Variants in ANKFN1 observed in about 807,000 individuals in gnomAD.
ANKFN1 encodes the protein ankyrin repeat and fibronectin type-III domain-containing protein 1.
A neutral mutation model predicts 108.7 loss-of-function variants in ANKFN1; 74 were observed. The observed-to-expected ratio is 0.68, with a 90% CI of 0.56 to 0.83. The LOEUF is 0.83. ANKFN1 is among the 40% of genes least tolerant of loss of function. The probability of loss-of-function intolerance (pLI) is 0.00; values close to 1 mark genes in which losing one functional copy is unlikely to be tolerated. For synonymous variants in ANKFN1, 547 were observed against 516.2 expected (o/e 1.06, Z -0.81); for missense variants, 1,505 against 1,382.3 (o/e 1.09, Z -1.41).
intron 15 of ANKFN1, chr17:56,473,444 C>A (rs1324353074): frequency 6.6e-6 from 1 of 152,022 alleles, no homozygotes; most frequent in Non-Finnish European, 1.5e-5. Context: ...AGGTAGATCA[C>A]CTGAGCTCAG....
intron 3 of ANKFN1, among the ~76,000 whole-genome samples, chr17:56,294,721 C>A (rs947700844): frequency 6.6e-6 from 1 of 152,218 alleles, no homozygotes; most frequent in Non-Finnish European, 1.5e-5. Flanking sequence ...GCAGAAATAG[C>A]AGAAACTTTC....
rs538687422 is a variant in ANKFN1 at position 56,223,038 on chromosome 17, T to G, written c.13-4879T>G. Among the ~76,000 whole-genome samples the G allele has an allele frequency of 2.0e-5, 3 of 152,262 alleles. No homozygotes were observed. The East Asian group carries it at 5.8e-4, about 29-fold the overall frequency. Reference sequence around the variant, plus strand: ...TTAGCCACTAACAAGAATAAGGAGATCTCTATATACTGACTTGGAATCTGT... The same window carrying G: ...TTAGCCACTAACAAGAATAAGGAGAGCTCTATATACTGACTTGGAATCTGT... On this transcript the variant is annotated intron_variant, in intron 2 of 20. Coordinates refer to ENST00000682825, the MANE Select transcript of ANKFN1 (RefSeq NM_001370326.1).
At chr17:56,301,595 G>C (rs186577052) in intron 3 of ANKFN1, among the ~76,000 whole-genome samples, 2 of 152,164 alleles carry the variant, frequency 1.3e-5, no homozygotes, top group Admixed American at 6.5e-5. Flanking sequence ...ATCAAAGAAC[G>C]TCCTGGTGGC....
chr17:56,501,321 G>T (rs1258564051), intron 20 of ANKFN1, among the ~76,000 whole-genome samples: 2 of 152,172 alleles, frequency 1.3e-5, no homozygotes, highest in African/African-American at 4.8e-5. Flanking sequence ...TTTAAGCAAG[G>T]ATTGATATAA....
chr17:56,446,676 G>A (rs1048248192), intron 10 of ANKFN1, among the ~76,000 whole-genome samples: 6 of 151,790 alleles, frequency 4.0e-5, no homozygotes, highest in Non-Finnish European at 8.8e-5. Flanking sequence ...AGGCCAAGGC[G>A]GGTGGATCAC....
At chr17:56,172,789 T>C (rs1037988237) in intron 1 of ANKFN1, among the ~76,000 whole-genome samples, 2 of 152,146 alleles carry the variant, frequency 1.3e-5, no homozygotes, top group African/African-American at 4.8e-5. Flanking sequence ...CCACGCTGTC[T>C]TAAAGGCACT....
At chr17:56,400,887 C>T (rs1394273263) in intron 8 of ANKFN1, among the ~76,000 whole-genome samples, 1 of 152,026 alleles carries the variant, frequency 6.6e-6, no homozygotes, top group Non-Finnish European at 1.5e-5. Flanking sequence ...TGTCAAAAAT[C>T]GGTTGGCTGT....
intron 1 of ANKFN1, among the ~76,000 whole-genome samples, chr17:56,192,136 A>C (rs539835363): frequency 4.3e-4 from 65 of 151,898 alleles, no homozygotes; most frequent in African/African-American, 1.4e-3. Context: ...ACCTGAGAAA[A>C]ACAAGCAATG....
chr17:56,077,945 G>A (rs1905200211), intron 4 of ANKFN1, among the ~76,000 whole-genome samples: 1 of 152,084 alleles, frequency 6.6e-6, no homozygotes, highest in Non-Finnish European at 1.5e-5. Flanking sequence ...AGAAGTTTTT[G>A]TTATCTCTAT....
At chr17:56,463,001 G>A (rs1486149235) in intron 14 of ANKFN1, among the ~76,000 whole-genome samples, 5 of 152,068 alleles carry the variant, frequency 3.3e-5, no homozygotes, top group Admixed American at 6.6e-5. Context: ...CCAAGTCAGG[G>A]GACCTACCTT....
chr17:56,411,306 A>C (rs993646332), intron 8 of ANKFN1, among the ~76,000 whole-genome samples: 7 of 152,158 alleles, frequency 4.6e-5, no homozygotes, highest in Non-Finnish European at 8.8e-5. Flanking sequence ...TTTTTAGTGT[A>C]TGGAAAAATA....
At chr17:56,346,164 GT>G (rs2046093912) in intron 4 of ANKFN1, among the ~76,000 whole-genome samples, 1 of 152,070 alleles carries the variant, frequency 6.6e-6, no homozygotes. Flanking sequence ...CACATTGCTT[GT>G]TTTTGTCAGG....
intron 4 of ANKFN1, among the ~76,000 whole-genome samples, chr17:56,125,996 C>T (rs1038892630): frequency 1.3e-5 from 2 of 152,120 alleles, no homozygotes; most frequent in African/African-American, 4.8e-5. Context: ...GTCAAATTTG[C>T]ACGGGGAAGC....
intron 3 of ANKFN1, among the ~76,000 whole-genome samples, chr17:56,315,725 A>G (rs1282632739): frequency 6.6e-6 from 1 of 152,208 alleles, no homozygotes; most frequent in Non-Finnish European, 1.5e-5. Flanking sequence ...AAGTAGCCAG[A>G]GCAGCCCATT....
intron 4 of ANKFN1, among the ~76,000 whole-genome samples, chr17:56,079,800 G>A (rs888210565): frequency 4.0e-5 from 6 of 151,770 alleles, no homozygotes; most frequent in Non-Finnish European, 8.8e-5. Context: ...TACATGCACA[G>A]AACTCTGAAT....
chr17:56,414,802 T>C (rs2048192498), intron 8 of ANKFN1, among the ~76,000 whole-genome samples: 1 of 152,112 alleles, frequency 6.6e-6, no homozygotes, highest in South Asian at 2.1e-4. Context: ...GCAGATTGCT[T>C]AAGTCCAGGA....
intron 1 of ANKFN1, among the ~76,000 whole-genome samples, chr17:56,197,903 A>G (rs9908577): frequency 0.013 from 2,017 of 152,266 alleles, 41 homozygotes; most frequent in African/African-American, 0.046. Context: ...CCAGCTACTC[A>G]GGAGGCTGAG....
chr17:56,048,375 T>C (rs571006920), intron 4 of ANKFN1, among the ~76,000 whole-genome samples: 1 of 152,362 alleles, frequency 6.6e-6, no homozygotes, highest in Non-Finnish European at 1.5e-5. Context: ...TTTTCATGCC[T>C]GTTACCAGAC....
At chr17:56,372,911 T>C in intron 7 of ANKFN1, 71 bp downstream of exon 7, 1 of 1,502,206 alleles carries the variant, frequency 6.7e-7, no homozygotes. Flanking sequence ...GGTCTTCTTT[T>C]ACAGATTTTT....
Sources: gnomAD v4.1 joint callset for allele counts (sites outside exome capture counted in the v4.1 genomes callset) on GRCh38, gnomAD v4.1.1 for gene constraint, MANE v1.5 for transcripts, NCBI Gene and HGNC (gene_info 2026-07-23, HGNC 2026-07-21) for gene names.